The following CHST9 variants were observed in gnomAD, a reference collection of about 807,000 sequenced individuals.
CHST9 encodes GalNAc-4-sulfotransferase 2.
CHST9 carries 41 observed loss-of-function variants against 44.4 expected under a neutral mutation model. The observed-to-expected ratio is 0.92, with a 90% CI of 0.72 to 1.20. CHST9 has a LOEUF of 1.20. CHST9 is among the 50% of genes most tolerant of loss of function. CHST9 has a pLI of 0.00. For missense variants in CHST9, 504 were observed against 516.5 expected, an observed-to-expected ratio of 0.98 and a Z score of 0.23; for synonymous variants, 171 against 178.4, an observed-to-expected ratio of 0.96 and a Z score of 0.33.
rs549598427 is a variant in CHST9 at position 27,023,956 on chromosome 18, C to A, written c.202+160G>T. On this transcript the variant is annotated intron_variant, in intron 4 of 5. Coordinates refer to ENST00000618847, the MANE Select transcript of CHST9 (RefSeq NM_031422.6). ...TTTCTCCCCACCCTCCAAGACTTTA[C>A]GCACTCCAAAAATGCCACCTAGGCA... Among the ~76,000 whole-genome samples, 5 of 152,244 alleles carry A rather than the reference C, an allele frequency of 3.3e-5. No homozygotes were observed. The East Asian group carries it at 9.6e-4, about 29-fold the overall frequency.
At chr18:27,069,594 A>T (rs896473515) in intron 2 of CHST9, among the ~76,000 whole-genome samples, 2 of 152,246 alleles carry the variant, frequency 1.3e-5, no homozygotes, top group Non-Finnish European at 2.9e-5. Context: ...ACCATTACAC[A>T]GATAGCACAA....
At chr18:27,051,469 A>T (rs2143571885) in intron 2 of CHST9, among the ~76,000 whole-genome samples, 1 of 152,106 alleles carries the variant, frequency 6.6e-6, no homozygotes, top group East Asian at 1.9e-4. Flanking sequence ...CTTTTGGATC[A>T]CTCCCTCTGG....
intron 5 of CHST9, among the ~76,000 whole-genome samples, chr18:26,937,120 C>T (rs2145101030): frequency 6.6e-6 from 1 of 152,172 alleles, no homozygotes; most frequent in Middle Eastern, 3.4e-3. Context: ...CTGGGCTCTG[C>T]CAAGGAAAAC....
chr18:26,975,649 G>GTATATATATATATA (rs36030325), intron 4 of CHST9, among the ~76,000 whole-genome samples: 6 of 126,920 alleles, frequency 4.7e-5, no homozygotes, highest in Non-Finnish European at 6.4e-5. Context: ...ATGTATGTGT[G>GTATATATATATATA]TATATATATA....
At chr18:26,948,637 C>T (rs1185356277) in intron 4 of CHST9, among the ~76,000 whole-genome samples, 1 of 152,202 alleles carries the variant, frequency 6.6e-6, no homozygotes, top group African/African-American at 2.4e-5. Context: ...TAAAGGACAG[C>T]ATGGTATCTA....
At chr18:26,998,536 G>C (rs746177814) in intron 4 of CHST9, among the ~76,000 whole-genome samples, 4 of 152,128 alleles carry the variant, frequency 2.6e-5, no homozygotes, top group African/African-American at 7.2e-5. Context: ...GAGCAGCCTG[G>C]CCAACATGGC....
At chr18:26,966,240 A>G (rs1273721784) in intron 4 of CHST9, among the ~76,000 whole-genome samples, 1 of 152,242 alleles carries the variant, frequency 6.6e-6, no homozygotes, top group Non-Finnish European at 1.5e-5. Flanking sequence ...GCTTTATATG[A>G]CAGCTCTTTT....
At chr18:27,170,039 T>C (rs1016786181) in intron 1 of CHST9, among the ~76,000 whole-genome samples, 2 of 152,154 alleles carry the variant, frequency 1.3e-5, no homozygotes, top group Non-Finnish European at 2.9e-5. Flanking sequence ...CAGGTACATA[T>C]GCAAAACAGG....
chr18:27,032,586 C>T (rs573903198), intron 3 of CHST9, among the ~76,000 whole-genome samples: 8 of 152,300 alleles, frequency 5.3e-5, no homozygotes, highest in East Asian at 3.9e-4. Context: ...GCCAGAACAA[C>T]GCACCTCAGG....
At chr18:27,053,252 GAAGA>G (rs1568151120) in intron 2 of CHST9, among the ~76,000 whole-genome samples, 4 of 111,068 alleles carry the variant, frequency 3.6e-5, no homozygotes, top group African/African-American at 1.0e-4. Context: ...AGAAGAAGAA[GAAGA>G]AGAAGGAGAA....
intron 2 of CHST9, among the ~76,000 whole-genome samples, chr18:27,091,652 T>TGAAGGGCTGTTGAATTTTGTC (rs2058070150): frequency 6.6e-6 from 1 of 152,126 alleles, no homozygotes; most frequent in South Asian, 2.1e-4. Flanking sequence ...GTTTTTAGCA[T>TGAAGGGCTGTTGAATTTTGTC]GAAGGGCTGT....
intron 1 of CHST9, among the ~76,000 whole-genome samples, chr18:27,160,470 A>G (rs987860815): frequency 6.6e-6 from 1 of 152,160 alleles, no homozygotes; most frequent in African/African-American, 2.4e-5. Context: ...CCACTTGATC[A>G]TGGTGGATAA....
chr18:27,064,666 TTCTGGTGAGCTGC>T (rs2057762034), intron 2 of CHST9, among the ~76,000 whole-genome samples: 1 of 152,200 alleles, frequency 6.6e-6, no homozygotes, highest in Non-Finnish European at 1.5e-5. Context: ...TACAGGTTCC[TTCTGGTGAGCTGC>T]TCCTGCCTCT....
intron 3 of CHST9, among the ~76,000 whole-genome samples, chr18:27,033,706 A>T (rs1233663278): frequency 6.6e-6 from 1 of 152,132 alleles, no homozygotes; most frequent in Non-Finnish European, 1.5e-5. Context: ...GGCTCTAATG[A>T]CAACTATATT....
At chr18:27,029,997 T>C (rs914419779) in intron 3 of CHST9, among the ~76,000 whole-genome samples, 2 of 152,216 alleles carry the variant, frequency 1.3e-5, no homozygotes, top group African/African-American at 4.8e-5. Context: ...TAGTAGCTGT[T>C]TTAAAATGCC....
chr18:27,119,668 T>C (rs901800696), intron 2 of CHST9, among the ~76,000 whole-genome samples: 2 of 149,604 alleles, frequency 1.3e-5, no homozygotes, highest in East Asian at 2.0e-4. Flanking sequence ...TTTTTTTTTT[T>C]CTACTTGCTC....
intron 4 of CHST9, among the ~76,000 whole-genome samples, chr18:27,013,632 T>G (rs1303868479): frequency 6.6e-6 from 1 of 152,186 alleles, no homozygotes; most frequent in Non-Finnish European, 1.5e-5. Flanking sequence ...ACTGTGCAAT[T>G]AATATCATTA....
At chr18:27,141,425 T>C (rs898879151) in intron 2 of CHST9, among the ~76,000 whole-genome samples, 1 of 150,390 alleles carries the variant, frequency 6.6e-6, no homozygotes, top group African/African-American at 2.5e-5. Flanking sequence ...ACCCCGTCTC[T>C]ACAAAAAATA....
chr18:27,133,412 A>G (rs2058488451), intron 2 of CHST9, among the ~76,000 whole-genome samples: 1 of 152,218 alleles, frequency 6.6e-6, no homozygotes, highest in South Asian at 2.1e-4. Flanking sequence ...AGCAGGGGAC[A>G]GCACGTAAGA....
Sources: gnomAD v4.1 joint callset for allele counts (sites outside exome capture counted in the v4.1 genomes callset) on GRCh38, gnomAD v4.1.1 for gene constraint, MANE v1.5 for transcripts, NCBI Gene and HGNC (gene_info 2026-07-23, HGNC 2026-07-21) for gene names.